The following PDLIM5 variants were observed in gnomAD, a reference collection of about 807,000 sequenced individuals.
The protein encoded by PDLIM5 is PDZ and LIM domain protein 5.
A neutral mutation model predicts 64.2 loss-of-function variants in PDLIM5; 34 were observed. The ratio of observed to expected loss-of-function variants is 0.53; its 90% CI spans 0.40 to 0.71. PDLIM5 has a LOEUF of 0.71. Ranked by LOEUF, PDLIM5 falls within the 30% of genes least tolerant of loss-of-function variation. PDLIM5 has a pLI of 0.00. For synonymous variants in PDLIM5, 253 were observed against 269.1 expected (o/e 0.94, Z 0.59); for missense variants, 683 against 733.6 (o/e 0.93, Z 0.80).
intron 9 of PDLIM5, among the ~76,000 whole-genome samples, chr4:94,641,815 T>C (rs950209614): frequency 1.3e-5 from 2 of 152,164 alleles, no homozygotes; most frequent in African/African-American, 4.8e-5. Context: ...CAGTAAAGGT[T>C]TCCAAAGTCT....
chr4:94,648,953 A>ATG (rs1252385854), intron 9 of PDLIM5, among the ~76,000 whole-genome samples: 1 of 151,580 alleles, frequency 6.6e-6, no homozygotes, highest in Non-Finnish European at 1.5e-5. Flanking sequence ...TGATTAGGGG[A>ATG]TGTAATTGTT....
intron 2 of PDLIM5, among the ~76,000 whole-genome samples, chr4:94,516,536 T>C (rs1729375279): frequency 6.6e-6 from 1 of 151,858 alleles, no homozygotes; most frequent in South Asian, 2.1e-4. Context: ...CTCTCTCTTT[T>C]TTAGTTGGTA....
chr4:94,576,610 A>G (rs1250412847), intron 5 of PDLIM5, among the ~76,000 whole-genome samples: 2 of 152,260 alleles, frequency 1.3e-5, no homozygotes, highest in African/African-American at 2.4e-5. Flanking sequence ...GCAGACAGTA[A>G]TGAAACAACA....
At chr4:94,630,462 C>T (rs1740052157) in intron 8 of PDLIM5, among the ~76,000 whole-genome samples, 1 of 152,080 alleles carries the variant, frequency 6.6e-6, no homozygotes, top group African/African-American at 2.4e-5. Flanking sequence ...GCAACCTCTG[C>T]CTCCTGGGTT....
At position 94,539,897 on chromosome 4, in the gene PDLIM5, G is replaced by A. The variant is rs1172082783; in HGVS notation, c.248+16022G>A. On this transcript the variant is annotated intron_variant, in intron 3 of 12. Coordinates refer to ENST00000317968, the MANE Select transcript of PDLIM5 (RefSeq NM_006457.5). ...TTGGGAGATGGTTAGAGGGTTGGGA[G>A]GGTTCAGATTATAAAATGTCTTGGC... 2.6e-5 allele frequency among the ~76,000 whole-genome samples: 4 copies of A among 151,992 alleles called. No individual in the cohort carries two copies. In the East Asian group the frequency reaches 7.7e-4, roughly 29 times the overall value.
chr4:94,573,598 A>G (rs1734993256), intron 4 of PDLIM5: 1 of 585,588 alleles, frequency 1.7e-6, no homozygotes, highest in Admixed American at 2.8e-5. Flanking sequence ...ATAAAACATT[A>G]TTTCCAAAGC....
intron 2 of PDLIM5, among the ~76,000 whole-genome samples, chr4:94,506,039 C>G (rs1328292391): frequency 6.6e-6 from 1 of 152,134 alleles, no homozygotes; most frequent in African/African-American, 2.4e-5. Flanking sequence ...ACCTGGGGCC[C>G]CCAGCCACTA....
At chr4:94,658,108 T>C (rs1742362710) in intron 11 of PDLIM5, among the ~76,000 whole-genome samples, 1 of 152,240 alleles carries the variant, frequency 6.6e-6, no homozygotes, top group Non-Finnish European at 1.5e-5. Context: ...GAATTCCCAA[T>C]GATTTGTGGA....
intron 2 of PDLIM5, among the ~76,000 whole-genome samples, chr4:94,520,783 A>G (rs1173787745): frequency 6.6e-6 from 1 of 152,222 alleles, no homozygotes; most frequent in African/African-American, 2.4e-5. Flanking sequence ...GAAAATGGTT[A>G]GAGATTCCAA....
At chr4:94,661,182 A>G (rs1178698651) in intron 11 of PDLIM5, among the ~76,000 whole-genome samples, 1 of 152,188 alleles carries the variant, frequency 6.6e-6, no homozygotes, top group African/African-American at 2.4e-5. Context: ...TGAGGTCATG[A>G]GTTCAAAACC....
intron 2 of PDLIM5, among the ~76,000 whole-genome samples, chr4:94,485,450 G>A (rs1172656610): frequency 6.6e-6 from 1 of 152,168 alleles, no homozygotes; most frequent in Non-Finnish European, 1.5e-5. Context: ...TTCACACACT[G>A]CATGGCCAAT....
intron 2 of PDLIM5, among the ~76,000 whole-genome samples, chr4:94,520,532 G>A (rs1729744186): frequency 6.6e-6 from 1 of 152,212 alleles, no homozygotes; most frequent in Non-Finnish European, 1.5e-5. Context: ...GATTCATAAT[G>A]CTACATCCTA....
At position 94,546,833 on chromosome 4, in the gene PDLIM5, C is replaced by A. The variant is rs563144767; in HGVS notation, c.248+22958C>A. Among the ~76,000 whole-genome samples the A allele has an allele frequency of 3.3e-4, 49 of 150,294 alleles. 1 individual carries two copies. In the South Asian group the frequency reaches 9.7e-3, roughly 30 times the overall value. On this transcript the variant is annotated intron_variant, in intron 3 of 12. Transcript: ENST00000317968. ...CCTAGCACTCCTTCTGACATTAGGC[C>A]CCCCCCACCTTTTTCAACCTGAATA... is the stretch of plus-strand genomic sequence containing the variant.
At chr4:94,650,224 T>C (rs1009478504) in intron 9 of PDLIM5, among the ~76,000 whole-genome samples, 1 of 152,162 alleles carries the variant, frequency 6.6e-6, no homozygotes, top group Non-Finnish European at 1.5e-5. Flanking sequence ...GTGTAATCGT[T>C]TGTGAATGTA....
intron 7 of PDLIM5, among the ~76,000 whole-genome samples, chr4:94,590,252 C>T (rs936233250): frequency 2.6e-5 from 4 of 152,130 alleles, no homozygotes; most frequent in African/African-American, 9.7e-5. Flanking sequence ...TTATTTAATA[C>T]AAATTGTGGT....
intron 7 of PDLIM5, among the ~76,000 whole-genome samples, chr4:94,593,923 A>G (rs1230747352): frequency 6.6e-6 from 1 of 152,182 alleles, no homozygotes; most frequent in Non-Finnish European, 1.5e-5. Context: ...CAACTACAGT[A>G]AAAGTTCTTT....
intron 8 of PDLIM5, among the ~76,000 whole-genome samples, chr4:94,632,511 CAA>C (rs1415737767): frequency 6.6e-6 from 1 of 151,916 alleles, no homozygotes; most frequent in East Asian, 1.9e-4. Flanking sequence ...AAATTAGAAA[CAA>C]AGAAAAAAAT....
chr4:94,579,479 A>AG (rs1173025750), intron 5 of PDLIM5: 2 of 1,088,486 alleles, frequency 1.8e-6, no homozygotes, highest in African/African-American at 3.2e-5. Context: ...TTAAAAAAAA[A>AG]TGATGTGGTA....
intron 2 of PDLIM5, among the ~76,000 whole-genome samples, chr4:94,516,586 C>T (rs1420838770): frequency 2.0e-5 from 3 of 152,040 alleles, no homozygotes; most frequent in Admixed American, 2.0e-4. Context: ...TATGGTAGTG[C>T]AATCATGGCT....
Sources: allele counts gnomAD v4.1 joint callset (sites outside exome capture counted in the v4.1 genomes callset), GRCh38; gene constraint gnomAD v4.1.1; transcripts MANE v1.5; gene names NCBI Gene and HGNC (gene_info 2026-07-23, HGNC 2026-07-21).